The following TP63 variants were observed in gnomAD, a reference collection of about 807,000 sequenced individuals.
TP63 encodes tumor protein 63.
In TP63, 17 loss-of-function variants were observed where a neutral mutation model predicts 82.8. That is an observed-to-expected ratio of 0.21 (90% CI 0.14 to 0.31). TP63 has a LOEUF of 0.31. TP63 is among the 10% of genes least tolerant of loss of function. The pLI is 1.00. For missense variants in TP63, 648 were observed against 895.3 expected (o/e 0.72, Z 3.52); for synonymous variants, 330 against 321.7 (o/e 1.03, Z -0.28).
intron 1 of TP63, among the ~76,000 whole-genome samples, chr3:189,677,941 A>G (rs1204962682): frequency 6.6e-6 from 1 of 151,516 alleles, no homozygotes; most frequent in African/African-American, 2.4e-5. Context: ...TTCAATTGTG[A>G]TTATTTCTTG....
In TP63 at chr3:189,875,593, CATAT is replaced by C. The variant is rs774764336; in HGVS notation, c.1349+2640_1349+2643del. Among the ~76,000 whole-genome samples, 245 of 40,704 alleles carry C rather than the reference CATAT, an allele frequency of 6.0e-3. 1 individual carries two copies. Among genetic ancestry groups the C allele is most frequent in the East Asian group, 0.016 (17 of 1,036 alleles). The allele number at this position is 40,704 out of a possible 152,430, so 26.7% of individuals were successfully genotyped here. ...AAAGAAAAAGAAAAAAAAATACATA[CATAT>C]ATATATATATATATATATATATATA... On this transcript the variant is annotated intron_variant, in intron 10 of 13. Transcript: ENST00000264731.
chr3:189,872,232 G>T (rs1330475454), intron 9 of TP63, among the ~76,000 whole-genome samples: 2 of 144,744 alleles, frequency 1.4e-5, no homozygotes, highest in Non-Finnish European at 1.5e-5. Context: ...TATAGGATTG[G>T]GTTCCTATGC....
chr3:189,746,878 GATGGAAGAAAAA>G (rs899496142), intron 3 of TP63, among the ~76,000 whole-genome samples: 7 of 150,322 alleles, frequency 4.7e-5, no homozygotes, highest in African/African-American at 1.7e-4. Context: ...TAGATTGAAA[GATGGAAGAAAAA>G]ATGGAAGAAA....
intron 1 of TP63, among the ~76,000 whole-genome samples, chr3:189,710,219 C>T (rs1718494898): frequency 6.6e-6 from 1 of 152,108 alleles, no homozygotes; most frequent in Admixed American, 6.6e-5. Context: ...TCAGGTAACC[C>T]TCCTAACAGG....
At chr3:189,830,937 G>T (rs1712235251) in intron 4 of TP63, among the ~76,000 whole-genome samples, 1 of 152,156 alleles carries the variant, frequency 6.6e-6, no homozygotes, top group Non-Finnish European at 1.5e-5. Flanking sequence ...ATTATTTAAG[G>T]TTTGCAAATG....
At chr3:189,744,067 C>T (rs914905742) in intron 3 of TP63, among the ~76,000 whole-genome samples, 1 of 152,186 alleles carries the variant, frequency 6.6e-6, no homozygotes, top group Non-Finnish European at 1.5e-5. Flanking sequence ...TGCATCCTAC[C>T]CTGGTGCCCA....
chr3:189,793,058 C>T (rs551986022), intron 3 of TP63, among the ~76,000 whole-genome samples: 1 of 152,136 alleles, frequency 6.6e-6, no homozygotes, highest in Admixed American at 6.6e-5. Flanking sequence ...GAAGCAGAAG[C>T]TGCATTTTTA....
In TP63 at chr3:189,718,871, C is replaced by T. The variant is rs573294716; in HGVS notation, c.63-18869C>T. On this transcript the variant is annotated intron_variant, in intron 1 of 13. Coordinates refer to ENST00000264731, the MANE Select transcript of TP63 (RefSeq NM_003722.5). ...ACTTTGAATCATTTATCTAAAAAAACAAAAACAAAAAAACAATGTAGCCTA... is the reference window on the plus strand; with the variant it reads ...ACTTTGAATCATTTATCTAAAAAAATAAAAACAAAAAAACAATGTAGCCTA... Among the ~76,000 whole-genome samples, 16 of 151,582 alleles carry T rather than the reference C, an allele frequency of 1.1e-4. No homozygotes were observed. In the South Asian group the frequency reaches 3.3e-3, roughly 32 times the overall value.
At chr3:189,697,160 A>T (rs1717437538) in intron 1 of TP63, among the ~76,000 whole-genome samples, 1 of 149,610 alleles carries the variant, frequency 6.7e-6, no homozygotes, top group Admixed American at 6.7e-5. Context: ...TATTTTTAAA[A>T]TTTTTACATT....
intron 1 of TP63, among the ~76,000 whole-genome samples, chr3:189,735,706 G>A (rs983621866): frequency 4.6e-5 from 7 of 152,146 alleles, no homozygotes; most frequent in Non-Finnish European, 1.0e-4. Context: ...CTGACATGCT[G>A]TAAATTCTTC....
chr3:189,868,233 T>C (rs964224028), intron 7 of TP63, among the ~76,000 whole-genome samples: 3 of 152,178 alleles, frequency 2.0e-5, no homozygotes, highest in Non-Finnish European at 4.4e-5. Context: ...CCTCAAGGCA[T>C]TTCACAGTTT....
In TP63 at chr3:189,808,455, G is replaced by A. The variant is rs1727170430; in HGVS notation, c.508G>A (p.Asp170Asn). 2.5e-6 allele frequency: 4 copies of A among 1,614,020 alleles called. No individual in the cohort carries two copies. Among genetic ancestry groups the A allele is most frequent in the Non-Finnish European group, 2.5e-6 (3 of 1,180,012 alleles). The change falls in exon 4 of 14, where the codon GAC becomes AAC. Residue 170 changes from aspartate to asparagine, a missense_variant. Transcript: ENST00000264731. The stretch of plus-strand genomic sequence containing the variant: ...ATCACCCGCCATCCCCTCCAACACC[G>A]ACTACCCAGGCCCGCACAGTTTCGA... Reference protein sequence around the residue: ...SPSPAIPSNTDYPGPHSFDVS... With the variant: ...SPSPAIPSNTNYPGPHSFDVS...
intron 1 of TP63, among the ~76,000 whole-genome samples, chr3:189,654,288 T>C (rs968165467): frequency 1.1e-4 from 16 of 150,838 alleles, no homozygotes; most frequent in African/African-American, 3.6e-4. Flanking sequence ...ATAATCAAAA[T>C]GGCAGGACTC....
the TP63 span, among the ~76,000 whole-genome samples, chr3:189,622,220 G>C: frequency 6.6e-6 from 1 of 152,210 alleles, no homozygotes; most frequent in Admixed American, 6.5e-5. Context: ...CATTCGCAGG[G>C]CTTATGTTAT....
chr3:189,778,046 G>T (rs1261092071), intron 3 of TP63, among the ~76,000 whole-genome samples: 2 of 151,744 alleles, frequency 1.3e-5, no homozygotes, highest in Admixed American at 1.3e-4. Flanking sequence ...AGTAGAGGCA[G>T]GGTTTCACCA....
chr3:189,829,401 A>T (rs185975412), intron 4 of TP63, among the ~76,000 whole-genome samples: 1 of 152,350 alleles, frequency 6.6e-6, no homozygotes, highest in East Asian at 1.9e-4. Flanking sequence ...ACAAGTTAGC[A>T]TCCAACTATC....
At chr3:189,695,853 A>G (rs1489388700) in intron 1 of TP63, among the ~76,000 whole-genome samples, 1 of 152,198 alleles carries the variant, frequency 6.6e-6, no homozygotes, top group Non-Finnish European at 1.5e-5. Context: ...TATCAAGTAA[A>G]GTACAGTGCT....
chr3:189,774,739 G>C (rs778569824), intron 3 of TP63, among the ~76,000 whole-genome samples: 2 of 152,108 alleles, frequency 1.3e-5, no homozygotes, highest in Non-Finnish European at 2.9e-5. Context: ...TACCAACCTA[G>C]AAAGTATCAG....
intron 1 of TP63, among the ~76,000 whole-genome samples, chr3:189,690,803 G>A (rs1250166983): frequency 6.6e-6 from 1 of 152,030 alleles, no homozygotes; most frequent in Non-Finnish European, 1.5e-5. Context: ...TATTTTAGAG[G>A]CACATTACCT....
Sources: gnomAD v4.1 joint callset for allele counts (sites outside exome capture counted in the v4.1 genomes callset) on GRCh38, gnomAD v4.1.1 for gene constraint, MANE v1.5 for transcripts, NCBI Gene and HGNC (gene_info 2026-07-23, HGNC 2026-07-21) for gene names.